PALM2AKAP2: variants seen among roughly 807,000 people sequenced by gnomAD.
PALM2AKAP2 encodes PALM2 and AKAP2 fusion.
In PALM2AKAP2, 37 loss-of-function variants were observed where a neutral mutation model predicts 71.5. The observed-to-expected ratio is 0.52, with a 90% CI of 0.40 to 0.68. PALM2AKAP2 has a LOEUF of 0.68. Among genes scored for constraint, PALM2AKAP2 ranks in the 30% least tolerant of loss-of-function variants. The probability of loss-of-function intolerance (pLI) is 0.00; values close to 1 mark genes in which losing one functional copy is unlikely to be tolerated. For missense variants in PALM2AKAP2, 1,224 were observed against 1,191.8 expected, an observed-to-expected ratio of 1.03 and a Z score of -0.40; for synonymous variants, 468 against 478.8, an observed-to-expected ratio of 0.98 and a Z score of 0.29.
intron 1 of PALM2AKAP2, among the ~76,000 whole-genome samples, chr9:110,070,978 G>A (rs1395002751): frequency 9.9e-5 from 15 of 151,728 alleles, no homozygotes; most frequent in African/African-American, 3.6e-4. Context: ...CCTGGCCAAC[G>A]TGGTGAAACC....
chr9:110,043,418 A>G (rs1462267290), intron 7 of PALM2AKAP2, among the ~76,000 whole-genome samples: 1 of 152,156 alleles, frequency 6.6e-6, no homozygotes, highest in Admixed American at 6.5e-5. Context: ...CCAAAAATGA[A>G]TTGCAGGTGC....
chr9:110,003,863 TTTG>T (rs1832726908), intron 6 of PALM2AKAP2, among the ~76,000 whole-genome samples: 1 of 152,228 alleles, frequency 6.6e-6, no homozygotes, highest in African/African-American at 2.4e-5. Context: ...CCTGCCTTTT[TTTG>T]TTTTCCATTT....
intron 3 of PALM2AKAP2, among the ~76,000 whole-genome samples, chr9:109,893,043 G>C (rs139209110): frequency 4.6e-5 from 7 of 152,176 alleles, no homozygotes; most frequent in African/African-American, 1.7e-4. Context: ...TCCAGAACTC[G>C]GGCCCGGTAA....
chr9:110,071,556 T>G, intron 1 of PALM2AKAP2, among the ~76,000 whole-genome samples: 1 of 152,200 alleles, frequency 6.6e-6, no homozygotes, highest in East Asian at 1.9e-4. Context: ...TGTCTATGCT[T>G]GGTCACTTGG....
At chr9:110,000,851 G>C (rs1172061807) in intron 6 of PALM2AKAP2, among the ~76,000 whole-genome samples, 1 of 152,162 alleles carries the variant, frequency 6.6e-6, no homozygotes, top group Non-Finnish European at 1.5e-5. Context: ...CCCACTTGTT[G>C]ATGGGGTTGT....
At chr9:109,667,032 G>A (rs938179719) in intron 1 of PALM2AKAP2, among the ~76,000 whole-genome samples, 2 of 152,142 alleles carry the variant, frequency 1.3e-5, no homozygotes, top group Admixed American at 1.3e-4. Flanking sequence ...AGAAGCGAAG[G>A]CAACTGCAGG....
intron 1 of PALM2AKAP2, among the ~76,000 whole-genome samples, chr9:110,075,204 A>G (rs761299016): frequency 6.6e-6 from 1 of 151,848 alleles, no homozygotes; most frequent in Non-Finnish European, 1.5e-5. Flanking sequence ...GTTCATCCCT[A>G]CTCTTCTAAG....
intron 1 of PALM2AKAP2, among the ~76,000 whole-genome samples, chr9:109,787,693 T>C (rs1233873620): frequency 1.3e-5 from 2 of 152,212 alleles, no homozygotes; most frequent in Non-Finnish European, 2.9e-5. Flanking sequence ...TTACATCAAC[T>C]CATTTTCAAG....
chr9:109,814,027 C>G (rs1827790744), intron 1 of PALM2AKAP2, among the ~76,000 whole-genome samples: 1 of 152,202 alleles, frequency 6.6e-6, no homozygotes, highest in South Asian at 2.1e-4. Context: ...TGACTTTGAC[C>G]CTACCTTTGG....
At chr9:109,832,926 A>G (rs1828346353) in intron 1 of PALM2AKAP2, among the ~76,000 whole-genome samples, 1 of 151,930 alleles carries the variant, frequency 6.6e-6, no homozygotes, top group Non-Finnish European at 1.5e-5. Context: ...GACATATACT[A>G]CTCTAGGCCT....
intron 1 of PALM2AKAP2, among the ~76,000 whole-genome samples, chr9:110,068,206 T>A (rs899348878): frequency 6.7e-6 from 1 of 149,242 alleles, no homozygotes; most frequent in Non-Finnish European, 1.5e-5. Context: ...AAGTAAACTT[T>A]CATGATGGAT....
At chr9:110,161,457 C>T (rs533240079) in intron 3 of PALM2AKAP2, among the ~76,000 whole-genome samples, 1 of 152,296 alleles carries the variant, frequency 6.6e-6, no homozygotes, top group African/African-American at 2.4e-5. Context: ...AGGATCATTT[C>T]AGTTCCTAAG....
At position 109,996,596 on chromosome 9, in the gene PALM2AKAP2, G is replaced by A. The variant is rs116787245; in HGVS notation, c.497-19358G>A. On this transcript the variant is annotated intron_variant, in intron 6 of 9. Coordinates refer to the PALM2AKAP2 transcript ENST00000302798. ...GAGTCTGCTTCCTTCTTCATATACAGAAGGATGTTTAAAACGCACCTTTGA... is the reference window on the plus strand; with the variant it reads ...GAGTCTGCTTCCTTCTTCATATACAAAAGGATGTTTAAAACGCACCTTTGA... Among the ~76,000 whole-genome samples, 1,050 of 152,334 alleles carry A rather than the reference G, an allele frequency of 6.9e-3. 12 individuals carry two copies. The highest frequency in any genetic ancestry group is 0.024 in the African/African-American group (981 of 41,582).
At chr9:109,960,047 C>G (rs943202730) in intron 6 of PALM2AKAP2, among the ~76,000 whole-genome samples, 1 of 152,150 alleles carries the variant, frequency 6.6e-6, no homozygotes, top group Admixed American at 6.5e-5. Context: ...TCTCCATCAC[C>G]CCCCTCCGCG....
chr9:110,074,075 C>G (rs1356190651), intron 1 of PALM2AKAP2, among the ~76,000 whole-genome samples: 2 of 152,198 alleles, frequency 1.3e-5, no homozygotes, highest in Admixed American at 6.5e-5. Flanking sequence ...GAGGAAAACA[C>G]AGCATCGCTT....
intron 1 of PALM2AKAP2, among the ~76,000 whole-genome samples, chr9:110,084,183 G>T (rs1834509259): frequency 6.6e-6 from 1 of 152,196 alleles, no homozygotes; most frequent in Non-Finnish European, 1.5e-5. Flanking sequence ...CTAAGCAAAG[G>T]TGGGGAAATA....
At chr9:109,801,955 A>C (rs964088519) in intron 1 of PALM2AKAP2, among the ~76,000 whole-genome samples, 4 of 152,200 alleles carry the variant, frequency 2.6e-5, no homozygotes, top group African/African-American at 9.7e-5. Flanking sequence ...AATCAACCAG[A>C]TCAAGTTCCT....
intron 1 of PALM2AKAP2, among the ~76,000 whole-genome samples, chr9:109,683,996 TG>T (rs1327911458): frequency 6.6e-6 from 1 of 152,184 alleles, no homozygotes; most frequent in East Asian, 1.9e-4. Context: ...ATGCTTAGCA[TG>T]GGTCCTGGAA....
intron 1 of PALM2AKAP2, among the ~76,000 whole-genome samples, chr9:109,814,440 G>A (rs944771022): frequency 2.0e-5 from 3 of 152,180 alleles, no homozygotes; most frequent in Admixed American, 6.5e-5. Context: ...TGATGAATCT[G>A]AAGAACTCTG....
Sources: gnomAD v4.1 joint callset for allele counts (sites outside exome capture counted in the v4.1 genomes callset) on GRCh38, gnomAD v4.1.1 for gene constraint, MANE v1.5 for transcripts, NCBI Gene and HGNC (gene_info 2026-07-23, HGNC 2026-07-21) for gene names.